The following SPMAP2L variants were observed in gnomAD, a reference collection of about 807,000 sequenced individuals.
The protein encoded by SPMAP2L is sperm microtubule associated protein 2-like.
chr4:56,621,470 A>G, the SPMAP2L span, among the ~76,000 whole-genome samples: 5,182 of 152,292 alleles, frequency 0.034, 243 homozygotes, highest in African/African-American at 0.11. Flanking sequence ...TTGAGCAAAC[A>G]TCTCATAACT....
chr4:56,584,409 G>A, the SPMAP2L span: 8 of 769,662 alleles, frequency 1.0e-5, no homozygotes, highest in East Asian at 1.1e-4. Context: ...GTATATAATC[G>A]ATTAGAAGTT....
chr4:56,550,461 A>G, the SPMAP2L span, among the ~76,000 whole-genome samples: 1 of 152,200 alleles, frequency 6.6e-6, no homozygotes, highest in Non-Finnish European at 1.5e-5. Context: ...AATGAAATTC[A>G]GCAAAATTAT....
the SPMAP2L span, among the ~76,000 whole-genome samples, chr4:56,547,616 AT>A: frequency 6.6e-6 from 1 of 152,196 alleles, no homozygotes; most frequent in African/African-American, 2.4e-5. Context: ...TCCCTGAGAA[AT>A]TAATTTACCC....
the SPMAP2L span, among the ~76,000 whole-genome samples, chr4:56,551,724 T>A: frequency 1.3e-5 from 2 of 152,144 alleles, no homozygotes; most frequent in African/African-American, 4.8e-5. Context: ...TTAGTCTGCA[T>A]AGGATAGACA....
the SPMAP2L span, among the ~76,000 whole-genome samples, chr4:56,566,095 T>G: frequency 6.6e-6 from 1 of 152,232 alleles, no homozygotes; most frequent in African/African-American, 2.4e-5. Flanking sequence ...CTGTGATTAC[T>G]AATATGTTGA....
chr4:56,617,573 C>T, the SPMAP2L span, among the ~76,000 whole-genome samples: 2 of 152,100 alleles, frequency 1.3e-5, no homozygotes, highest in Non-Finnish European at 2.9e-5. Context: ...GGGCTCTGAC[C>T]CCACGGCAGT....
At chr4:56,548,334 G>A in the SPMAP2L span, among the ~76,000 whole-genome samples, 3 of 151,630 alleles carry the variant, frequency 2.0e-5, no homozygotes, top group Non-Finnish European at 2.9e-5. Context: ...CTCATCCTTT[G>A]TCTATTTAAT....
At chr4:56,571,797 A>G in the SPMAP2L span, among the ~76,000 whole-genome samples, 2 of 152,186 alleles carry the variant, frequency 1.3e-5, no homozygotes, top group Non-Finnish European at 1.5e-5. Flanking sequence ...GCAGTGAGCT[A>G]TGATCACACT....
At chr4:56,586,091 C>T in the SPMAP2L span, among the ~76,000 whole-genome samples, 1 of 152,122 alleles carries the variant, frequency 6.6e-6, no homozygotes, top group African/African-American at 2.4e-5. Context: ...TCTGGGGCCT[C>T]AGCTGGGAAA....
At chr4:56,595,125 C>T in the SPMAP2L span, 1 of 1,611,390 alleles carries the variant, frequency 6.2e-7, no homozygotes, top group South Asian at 1.1e-5. Flanking sequence ...TGATGGGAGG[C>T]AAGGGCCTTA....
At chr4:56,580,129 C>A in the SPMAP2L span, among the ~76,000 whole-genome samples, 1 of 152,040 alleles carries the variant, frequency 6.6e-6, no homozygotes. Context: ...AAGAAAACTG[C>A]AGACCAATAT....
At chr4:56,548,612 A>G in the SPMAP2L span, among the ~76,000 whole-genome samples, 4 of 152,324 alleles carry the variant, frequency 2.6e-5, no homozygotes, top group Non-Finnish European at 5.9e-5. Context: ...TTTTTAAAAT[A>G]CTTAACTCCT....
the SPMAP2L span, chr4:56,584,424 G>A: frequency 1.1e-6 from 1 of 905,108 alleles, no homozygotes; most frequent in African/African-American, 1.6e-5. Context: ...GAAGTTGATT[G>A]TAGTAATGGA....
At chr4:56,593,233 C>G in the SPMAP2L span, 1 of 1,292,176 alleles carries the variant, frequency 7.7e-7, no homozygotes, top group Non-Finnish European at 1.1e-6. Flanking sequence ...TGGACATGGC[C>G]AGTGCATCCC....
chr4:56,542,988 T>C, the SPMAP2L span, among the ~76,000 whole-genome samples: 1 of 151,956 alleles, frequency 6.6e-6, no homozygotes, highest in Non-Finnish European at 1.5e-5. Flanking sequence ...TCAGAACCCA[T>C]TCATGTCATG....
the SPMAP2L span, among the ~76,000 whole-genome samples, chr4:56,589,835 T>C: frequency 0.02 from 3,027 of 152,196 alleles, 123 homozygotes; most frequent in African/African-American, 0.069. Context: ...TGTTGGTGCA[T>C]AGAAGAGCTA....
chr4:56,563,493 AG>A, the SPMAP2L span, among the ~76,000 whole-genome samples: 134 of 152,084 alleles, frequency 8.8e-4, no homozygotes, highest in African/African-American at 2.9e-3. Context: ...TAGCTCTCTG[AG>A]GAAAGACTGT....
chr4:56,592,498 C>T, the SPMAP2L span, among the ~76,000 whole-genome samples: 2 of 152,250 alleles, frequency 1.3e-5, no homozygotes, highest in Admixed American at 1.3e-4. Context: ...GCGCAGCGCC[C>T]ATTCATTGCC....
chr4:56,566,695 C>CTTTTTCTTTTTTT, the SPMAP2L span, among the ~76,000 whole-genome samples: 2 of 92,450 alleles, frequency 2.2e-5, no homozygotes, highest in Non-Finnish European at 4.1e-5. Flanking sequence ...TTTTCTTTTT[C>CTTTTTCTTTTTTT]TTTTTTTTTT....
Sources: gnomAD v4.1 joint callset for allele counts (sites outside exome capture counted in the v4.1 genomes callset) on GRCh38, gnomAD v4.1.1 for gene constraint, MANE v1.5 for transcripts, NCBI Gene and HGNC (gene_info 2026-07-23, HGNC 2026-07-21) for gene names.